The following CARD16 variants were observed in gnomAD, a reference collection of about 807,000 sequenced individuals.
CARD16 encodes the protein caspase recruitment domain-containing protein 16.
CARD16 carries 8 observed loss-of-function variants against 11.9 expected under a neutral mutation model. The observed-to-expected ratio is 0.67, with a 90% CI of 0.39 to 1.21. The LOEUF is 1.21. Ranked by LOEUF, CARD16 falls within the 50% of genes most tolerant of loss-of-function variation. The pLI, the probability that CARD16 is intolerant of heterozygous loss-of-function variation, is 0.01. For missense variants in CARD16, 131 were observed against 118.1 expected (o/e 1.11, Z -0.51); for synonymous variants, 44 against 43.8 (o/e 1.00, Z -0.02).
At chr11:105,044,811 C>A in intron 1 of CARD16, 153 bp from the exon 2 acceptor site, 3 of 1,391,978 alleles carry the variant, frequency 2.2e-6, no homozygotes, top group Non-Finnish European at 2.9e-6. Flanking sequence ...TGCTGTCCTA[C>A]TTGTTTCCCT....
In CARD16 at chr11:105,044,611, C is replaced by T; in HGVS notation, c.55G>A (p.Glu19Lys). The change falls in exon 2 of 4, where the codon GAA becomes AAA. Residue 19 changes from glutamate to lysine, a missense_variant. Glu to Lys is a moderately conservative substitution (Grantham distance 56). Transcript: ENST00000673097. ...KRKLFIHSMG[E>K]GTINGLLDEL... ...TCCAGTAAGCCATTTATTGTACCTT[C>T]ACCCATGGAATGGATAAACAGCTTT... 6.2e-7 allele frequency: 1 copy of T among 1,614,130 alleles called. No homozygotes were observed. Among genetic ancestry groups the T allele is most frequent in the Non-Finnish European group, 8.5e-7 (1 of 1,179,968 alleles).
intron 3 of CARD16, 121 bp downstream of exon 3, chr11:105,043,362 A>T: frequency 2.0e-6 from 1 of 506,390 alleles, no homozygotes; most frequent in Non-Finnish European, 3.2e-6. Flanking sequence ...ATTAAAAAAG[A>T]AAATTATATG....
chr11:105,043,368 A>G (rs1303674976), intron 3 of CARD16, 115 bp downstream of exon 3: 12 of 580,034 alleles, frequency 2.1e-5, no homozygotes, highest in South Asian at 9.5e-5. Flanking sequence ...AAAGAAAATT[A>G]TATGATCAGT....
At chr11:105,043,776 A>AGAT in intron 2 of CARD16, 1 of 435,400 alleles carries the variant, frequency 2.3e-6, no homozygotes. Flanking sequence ...GGAGGGCTGC[A>AGAT]GATGATGGAA....
At position 105,044,665 on chromosome 11, in the gene CARD16, G is replaced by A. The variant is rs549631510; in HGVS notation, c.8-7C>T. The A allele has an allele frequency of 5.5e-5, 88 of 1,613,156 alleles. 2 individuals are homozygous for A. The highest frequency in any genetic ancestry group is 3.3e-4 in the Middle Eastern group (2 of 6,056). ...TTCTCCTTCAGGACCTTGTCTGTTT[G>A]GAGCACAAGGATTTCTCACATCATG... On this transcript the variant is annotated splice_region_variant and splice_polypyrimidine_tract_variant and intron_variant, in intron 1 of 3. Coordinates refer to ENST00000673097, the MANE Select transcript of CARD16 (RefSeq NM_052889.4).
intron 2 of CARD16, chr11:105,044,107 C>G (rs1184970787): frequency 3.5e-5 from 18 of 517,424 alleles, no homozygotes; most frequent in Non-Finnish European, 6.2e-5. Flanking sequence ...GCCAGGAACA[C>G]TGGAACATAT....
chr11:105,043,456 A>G (rs1864143193), intron 3 of CARD16, 27 bp downstream of exon 3: 1 of 1,530,734 alleles, frequency 6.5e-7, no homozygotes, highest in East Asian at 2.3e-5. Flanking sequence ...GGTTCAAAGA[A>G]TGCTCTTCAT....
chr11:105,044,238 C>T (rs1864156269), intron 2 of CARD16, 154 bp downstream of exon 2: 10 of 1,238,380 alleles, frequency 8.1e-6, no homozygotes, highest in African/African-American at 1.5e-5. Flanking sequence ...AAAAAAGAGT[C>T]AAGGGACATG....
chr11:105,043,854 A>T (rs1238441900), intron 2 of CARD16: 2 of 320,806 alleles, frequency 6.2e-6, no homozygotes, highest in Non-Finnish European at 1.1e-5. Context: ...AAGAAAATGC[A>T]TGGGGGCAAC....
rs756997037 is a variant in CARD16, at chr11:105,041,887, A to T, written c.*44-168T>A. ...GCTAATGGAGCACATTTCAAGCCAG[A>T]GATTTCTAGGTATGCATTACAGGGA... On this transcript the variant is annotated intron_variant, in intron 3 of 3. Coordinates refer to ENST00000673097, the MANE Select transcript of CARD16 (RefSeq NM_052889.4). 2.0e-5 allele frequency among the ~76,000 whole-genome samples: 3 copies of T among 152,216 alleles called. No homozygotes were observed. In the South Asian group the frequency reaches 6.2e-4, roughly 31 times the overall value.
chr11:105,044,731 G>T, intron 1 of CARD16, 73 bp from the exon 2 acceptor site: 1 of 1,572,028 alleles, frequency 6.4e-7, no homozygotes. Flanking sequence ...AACAGAAAGT[G>T]ACCTCATTTA....
rs934434606 is a variant in CARD16, at chr11:105,044,490, T to A, written c.176A>T (p.Asp59Val). The change falls in exon 2 of 4, where the codon GAC (aspartate) becomes GTC (valine). Residue 59 changes from aspartate to valine, a missense_variant. Physicochemically the swap from Asp to Val is radical, Grantham distance 152. Coordinates refer to ENST00000673097, the MANE Select transcript of CARD16 (RefSeq NM_052889.4). ...CTGTGCCCCTTTCGGAATAACGGAGTCAATCAAAGCTCGGGTCTTATCCAT... is the reference window on the plus strand; with the variant it reads ...CTGTGCCCCTTTCGGAATAACGGAGACAATCAAAGCTCGGGTCTTATCCAT... ...TVMDKTRALIDSVIPKGAQAC... is the reference protein window; with the variant it reads ...TVMDKTRALIVSVIPKGAQAC... The A allele has an allele frequency of 8.1e-6, 13 of 1,613,734 alleles. No homozygotes were observed. In the African/African-American group the frequency reaches 1.6e-4, roughly 20 times the overall value.
Position 105,045,291 on chromosome 11 carries a change from C to G in CARD16, c.7G>C (p.Asp3His). The change falls in exon 1 of 4, where the codon GAC (aspartate) becomes CAC (histidine). Residue 3 changes from aspartate (D) to histidine (H), a missense_variant and splice_region_variant. By Grantham distance (81) the Asp-to-His change is moderately conservative. Transcript: ENST00000673097. ...GTTCTTGGAACAGTAAAAGACTCAC[C>G]GGCCATGGCTTTTCTCTCCTACCCT... Reference protein sequence around the residue: MADKVLKEKRKLF... With the variant: MAHKVLKEKRKLF... 6.2e-7 allele frequency: 1 copy of G among 1,613,992 alleles called. No homozygotes were observed. Among genetic ancestry groups the G allele is most frequent in the Non-Finnish European group, 8.5e-7 (1 of 1,179,896 alleles).
chr11:105,041,748 G>C, intron 3 of CARD16, 29 bp from the exon 4 acceptor site: 1 of 1,600,954 alleles, frequency 6.2e-7, no homozygotes, highest in Non-Finnish European at 8.6e-7. Flanking sequence ...ATCATGAACA[G>C]TGGTATCCCT....
rs148140246 is a variant in CARD16, at chr11:105,044,409, G to A, written c.257C>T (p.Thr86Met). Residue 86 changes from threonine to methionine, a missense_variant, in exon 2 of 4, where the codon ACG becomes ATG. Coordinates refer to ENST00000673097, the MANE Select transcript of CARD16 (RefSeq NM_052889.4). Reference protein sequence around the residue: ...ICEEDSYLAETLGLSAGPIPG... With the variant: ...ICEEDSYLAEMLGLSAGPIPG... ...ACCCTTACCTGCTGAGAGTCCCAGC[G>A]TCTCTGCCAGGTAACTGTCTTCTTC... 58 of 1,613,934 alleles carry A rather than the reference G, an allele frequency of 3.6e-5. 1 individual carries two copies. The highest frequency in any genetic ancestry group is 1.6e-4 in the Middle Eastern group (1 of 6,082).
At chr11:105,044,260 C>G in intron 2 of CARD16, 132 bp downstream of exon 2, 1 of 1,449,678 alleles carries the variant, frequency 6.9e-7, no homozygotes, top group Non-Finnish European at 9.5e-7. Flanking sequence ...AATAGGGCCT[C>G]TGCTACAGAA....
At chr11:105,041,783 G>T in intron 3 of CARD16, 64 bp from the exon 4 acceptor site, 1 of 1,465,028 alleles carries the variant, frequency 6.8e-7, no homozygotes, top group Non-Finnish European at 9.4e-7. Flanking sequence ...CCTCACCTAT[G>T]GAGGAAGCTA....
chr11:105,044,500 C>T lies in CARD16; in HGVS notation c.166G>A (p.Ala56Thr), dbSNP rs1864162505. Residue 56 changes from alanine to threonine, a missense_variant, in exon 2 of 4, where the codon GCT becomes ACT. Ala to Thr is a moderately conservative substitution (Grantham distance 58). Transcript: ENST00000673097. ...TTCGGAATAACGGAGTCAATCAAAG[C>T]TCGGGTCTTATCCATAACTGTAGCA... ...ENATVMDKTR[A>T]LIDSVIPKGA... The T allele has an allele frequency of 2.5e-6, 4 of 1,614,132 alleles. No individual in the cohort carries two copies. The highest frequency in any genetic ancestry group is 3.4e-6 in the Non-Finnish European group (4 of 1,179,988).
rs146310016 is a variant in CARD16 at position 105,044,624 on chromosome 11, G to A, written c.42C>T (p.Ile14=). The A allele has an allele frequency of 1.1e-5, 17 of 1,613,916 alleles. No individual in the cohort carries two copies. The highest frequency in any genetic ancestry group is 2.7e-5 in the African/African-American group (2 of 74,884). The change falls in exon 2 of 4, where the codon ATC becomes ATT. Residue 14 remains isoleucine, a synonymous_variant. Transcript: ENST00000673097. ...TTATTGTACCTTCACCCATGGAATG[G>A]ATAAACAGCTTTCTCTTCTCCTTCA... is the stretch of plus-strand genomic sequence containing the variant. ...KVLKEKRKLF[I]HSMGEGTING...
Sources: gnomAD v4.1 joint callset for allele counts (sites outside exome capture counted in the v4.1 genomes callset) on GRCh38, gnomAD v4.1.1 for gene constraint, MANE v1.5 for transcripts, NCBI Gene and HGNC (gene_info 2026-07-23, HGNC 2026-07-21) for gene names.